NXF1: variants seen among roughly 807,000 people sequenced by gnomAD.
The protein encoded by NXF1 is mRNA export factor TAP.
In NXF1, 43 loss-of-function variants were observed where a neutral mutation model predicts 92.4. The ratio of observed to expected loss-of-function variants is 0.47; its 90% confidence interval spans 0.36 to 0.60. The LOEUF is 0.60. Among genes scored for constraint, NXF1 ranks in the 20% least tolerant of loss-of-function variants. The pLI, the probability that NXF1 is intolerant of heterozygous loss-of-function variation, is 0.00. For missense variants in NXF1, 576 were observed against 793.0 expected (o/e 0.73, Z 3.29); for synonymous variants, 288 against 292.2 (o/e 0.99, Z 0.15).
At chr11:62,798,439 A>T in intron 11 of NXF1, 100 bp downstream of exon 11, 2 of 1,457,092 alleles carry the variant, frequency 1.4e-6, no homozygotes, top group Non-Finnish European at 1.8e-6. Flanking sequence ...TCTCAAATAA[A>T]AAAAAAAAAA....
At chr11:62,800,596 A>C (rs943064350) in intron 9 of NXF1, 110 bp from the exon 10 acceptor site, 6 of 690,564 alleles carry the variant, frequency 8.7e-6, no homozygotes, top group Non-Finnish European at 1.4e-5. Context: ...TAATCTTTTA[A>C]AATTTTTTCT....
At chr11:62,802,389 T>G in intron 3 of NXF1, 129 bp from the exon 4 acceptor site, 1 of 684,452 alleles carries the variant, frequency 1.5e-6, no homozygotes, top group Non-Finnish European at 2.5e-6. Context: ...TACTAGGTTT[T>G]CTACTTGAGA....
At position 62,803,888 on chromosome 11, in the gene NXF1, G is replaced by A. The variant is rs1407466231; in HGVS notation, c.119C>T (p.Ser40Phe). Reference sequence around the variant, plus strand: ...CCGAATACCAGAACCGCCTCTTCCAGACCTACGGTTTCCTTCACCATATTT... The same window carrying A: ...CCGAATACCAGAACCGCCTCTTCCAAACCTACGGTTTCCTTCACCATATTT... ...RWKYGEGNRR[S>F]GRGGSGIRSS... is the part of the protein sequence containing the mutation. Residue 40 changes from serine to phenylalanine, a missense_variant, in exon 2 of 21, where the codon TCT (serine) becomes TTT (phenylalanine). Ser to Phe is a radical substitution (Grantham distance 155). Coordinates refer to ENST00000294172, the MANE Select transcript of NXF1 (RefSeq NM_006362.5). 2 of 1,614,174 alleles carry A rather than the reference G, an allele frequency of 1.2e-6. No individual in the cohort carries two copies. The highest frequency in any genetic ancestry group is 2.7e-5 in the African/African-American group (2 of 75,036).
intron 13 of NXF1, 68 bp from the exon 14 acceptor site, chr11:62,796,635 C>T: frequency 9.4e-7 from 1 of 1,067,172 alleles, no homozygotes; most frequent in Admixed American, 1.9e-5. Context: ...CCAGTAGCTC[C>T]CAAGAGTGAG....
intron 10 of NXF1, chr11:62,799,976 G>A: frequency 1.0e-6 from 1 of 1,002,974 alleles, no homozygotes; most frequent in Non-Finnish European, 1.2e-6. Flanking sequence ...GAAGTCCCAG[G>A]TAGGGAGGGC....
chr11:62,794,874 A>G (rs2084404633), intron 18 of NXF1, 61 bp downstream of exon 18: 1 of 1,492,462 alleles, frequency 6.7e-7, no homozygotes, highest in African/African-American at 1.4e-5. Context: ...CTACCCTCCA[A>G]TTACCACACT....
Position 62,792,700 on chromosome 11 carries a change from A to G in NXF1, c.1762T>C (p.Cys588Arg). ...SGMNLEWSQK[C>R]LQDNNWDYTR... ...TAGTCCCAGTTGTTGTCCTGAAGGCACCTGGAGTGGAAGAACAGGCAGCTC... is the reference window on the plus strand; with the variant it reads ...TAGTCCCAGTTGTTGTCCTGAAGGCGCCTGGAGTGGAAGAACAGGCAGCTC... Residue 588 changes from cysteine to arginine, a missense_variant and splice_region_variant, in exon 20 of 21, where the codon TGC becomes CGC. Cys to Arg is a radical substitution (Grantham distance 180). Coordinates refer to ENST00000294172, the MANE Select transcript of NXF1 (RefSeq NM_006362.5). 6.2e-7 allele frequency: 1 copy of G among 1,614,168 alleles called. No individual in the cohort carries two copies. The highest frequency in any genetic ancestry group is 8.5e-7 in the Non-Finnish European group (1 of 1,180,016).
chr11:62,805,270 C>A, intron 1 of NXF1, 59 bp downstream of exon 1: 1 of 1,562,944 alleles, frequency 6.4e-7, no homozygotes, highest in Non-Finnish European at 8.7e-7. Flanking sequence ...GAGGCCTAGG[C>A]CGGCGCCGCC....
In NXF1 at chr11:62,794,335, G is replaced by A. The variant is rs1432553041; in HGVS notation, c.1683C>T (p.Pro561=). ...PAPTPSSSPV[P]TLSPEQQEML... ...TTTCCTGCTGCTCTGGAGAGAGGGTGGGCACCGGGCTGGAGGAAGGCGTGG... is the reference window on the plus strand; with the variant it reads ...TTTCCTGCTGCTCTGGAGAGAGGGTAGGCACCGGGCTGGAGGAAGGCGTGG... The change falls in exon 19 of 21, where the codon CCC becomes CCT. Residue 561 remains proline (P), a synonymous_variant. Transcript: ENST00000294172. The A allele has an allele frequency of 3.1e-6, 5 of 1,614,026 alleles. No homozygotes were observed. The highest frequency in any genetic ancestry group is 2.7e-5 in the African/African-American group (2 of 74,904).
Position 62,800,143 on chromosome 11 carries a change from A to G in NXF1, c.1016+234T>C. 2.2e-6 allele frequency: 3 copies of G among 1,372,978 alleles called. No homozygotes were observed. The South Asian group carries it at 5.2e-5, about 24-fold the overall frequency. The allele number at this position is 1,372,978 out of a possible 1,614,324, so 85.0% of individuals were successfully genotyped here. ...AAAGGTTGTGTTCAGGAAGAAAGAG[A>G]AAGGCCACAGACCCAGCAAACAGAT... On this transcript the variant is annotated intron_variant, in intron 10 of 20. Coordinates refer to ENST00000294172, the MANE Select transcript of NXF1 (RefSeq NM_006362.5).
intron 18 of NXF1, chr11:62,794,712 T>G: frequency 1.7e-6 from 1 of 588,704 alleles, no homozygotes; most frequent in East Asian, 2.8e-5. Flanking sequence ...AATTTTCAGA[T>G]GAGGCAGCAG....
At position 62,805,401 on chromosome 11, in the gene NXF1, C is replaced by G; in HGVS notation, c.-45G>C. 6.2e-7 allele frequency: 1 copy of G among 1,609,098 alleles called. No homozygotes were observed. The highest frequency in any genetic ancestry group is 8.5e-7 in the Non-Finnish European group (1 of 1,177,932). ...GCGGGCTCAGGCGCTGGCCGCTACGCCGGCAAACAACCTAACTCCCAAGCG... is the reference window on the plus strand; with the variant it reads ...GCGGGCTCAGGCGCTGGCCGCTACGGCGGCAAACAACCTAACTCCCAAGCG... On this transcript the variant is annotated 5_prime_UTR_variant, in exon 1 of 21. Coordinates refer to ENST00000294172, the MANE Select transcript of NXF1 (RefSeq NM_006362.5).
At chr11:62,793,753 G>A (rs1037922467) in intron 19 of NXF1, among the ~76,000 whole-genome samples, 1 of 150,146 alleles carries the variant, frequency 6.7e-6, no homozygotes, top group East Asian at 2.0e-4. Flanking sequence ...GGAGGCCGAG[G>A]TAGGCAGATC....
intron 2 of NXF1, 47 bp downstream of exon 2, chr11:62,803,745 T>A (rs1361678205): frequency 1.3e-6 from 2 of 1,589,656 alleles, no homozygotes; most frequent in Non-Finnish European, 1.7e-6. Flanking sequence ...AAGGGCCATA[T>A]AATCTCATGA....
chr11:62,794,754 A>T (rs1408283637), intron 18 of NXF1, 181 bp downstream of exon 18: 1 of 623,654 alleles, frequency 1.6e-6, no homozygotes, highest in Non-Finnish European at 2.8e-6. Flanking sequence ...AGCCAGGATG[A>T]AAACCCAGAC....
At position 62,801,426 on chromosome 11, in the gene NXF1, A is replaced by G; in HGVS notation, c.710-9T>C. The G allele has an allele frequency of 6.2e-7, 1 of 1,613,968 alleles. No individual in the cohort carries two copies. The highest frequency in any genetic ancestry group is 8.5e-7 in the Non-Finnish European group (1 of 1,179,886). ...GTTCTGGGCCACCAAATCTTCAGGA[A>G]GCAGAAGGGAAGGAAAGGGAAGACT... On this transcript the variant is annotated splice_polypyrimidine_tract_variant and intron_variant, in intron 7 of 20. Transcript: ENST00000294172.
rs2084457859 is a variant in NXF1 at position 62,799,678 on chromosome 11, T to A, written c.1016+699A>T. ...AGTTCTCTGTCTCCTTGGTAGCCTA[T>A]GCCCCCGTGGCCTCCACGCCCAGCA... On this transcript the variant is annotated intron_variant, in intron 10 of 20. Transcript: ENST00000294172. 9.1e-6 allele frequency: 9 copies of A among 986,038 alleles called. No homozygotes were observed. In the South Asian group the frequency reaches 2.8e-4, roughly 31 times the overall value. 61.1% of individuals were successfully genotyped at this position (986,038 alleles called of 1,614,324 possible). A position where few individuals can be genotyped will look rare whatever the true frequency, so the allele number is the denominator to read the frequency against.
rs1853982539 is a variant in NXF1 at position 62,796,053 on chromosome 11, A to T, written c.1461+13T>A. ...CAATTCTAGGCTTCTGTCAGGCGCA[A>T]GCAGGAGCTTACTGTCTGGGCGCTT... On this transcript the variant is annotated intron_variant, in intron 16 of 20. Transcript: ENST00000294172. 1.3e-6 allele frequency: 2 copies of T among 1,599,942 alleles called. No homozygotes were observed. Among genetic ancestry groups the T allele is most frequent in the African/African-American group, 2.7e-5 (2 of 74,036 alleles).
intron 17 of NXF1, chr11:62,795,280 A>G (rs2084408571): frequency 2.9e-6 from 1 of 343,752 alleles, no homozygotes; most frequent in East Asian, 4.9e-5. Flanking sequence ...GATCGAGACC[A>G]TCCTGTCCAA....
Sources: gnomAD v4.1 joint callset for allele counts (sites outside exome capture counted in the v4.1 genomes callset) on GRCh38, gnomAD v4.1.1 for gene constraint, MANE v1.5 for transcripts, NCBI Gene and HGNC (gene_info 2026-07-23, HGNC 2026-07-21) for gene names.